The following WDFY4 variants were observed in gnomAD, a reference collection of about 807,000 sequenced individuals.
WDFY4 encodes the protein WDFY family member 4.
In WDFY4, 169 loss-of-function variants were observed where a neutral mutation model predicts 351.9. That is an observed-to-expected ratio of 0.48 (90% CI 0.42 to 0.55). WDFY4 has a LOEUF of 0.55. WDFY4 is among the 20% of genes least tolerant of loss of function. The probability of loss-of-function intolerance (pLI) is 0.00; values close to 1 mark genes in which losing one functional copy is unlikely to be tolerated. For missense variants in WDFY4, 3,803 were observed against 3,935.6 expected (o/e 0.97, Z 0.90); for synonymous variants, 1,622 against 1,574.6 (o/e 1.03, Z -0.71).
chr10:48,937,969 C>T (rs1213901001), intron 47 of WDFY4, among the ~76,000 whole-genome samples: 1 of 152,222 alleles, frequency 6.6e-6, no homozygotes, highest in Non-Finnish European at 1.5e-5. Flanking sequence ...TCACACATTC[C>T]CTACCCAGGA....
intron 7 of WDFY4, 104 bp from the exon 8 acceptor site, chr10:48,729,328 C>G: frequency 6.8e-7 from 1 of 1,474,624 alleles, no homozygotes; most frequent in Non-Finnish European, 9.1e-7. Flanking sequence ...GGGTCTTCCC[C>G]AGCTTGCAGA....
intron 39 of WDFY4, among the ~76,000 whole-genome samples, chr10:48,833,436 T>C (rs555289547): frequency 6.6e-6 from 1 of 152,138 alleles, no homozygotes; most frequent in South Asian, 2.1e-4. Flanking sequence ...TTTCAAAAGA[T>C]AATGGAGAGA....
chr10:48,738,120 A>G (rs1565146951), intron 11 of WDFY4, among the ~76,000 whole-genome samples: 1 of 152,226 alleles, frequency 6.6e-6, no homozygotes, highest in East Asian at 1.9e-4. Flanking sequence ...TATTGGGTGA[A>G]TAATTGTTCC....
chr10:48,850,172 C>T (rs1168336202), intron 39 of WDFY4, among the ~76,000 whole-genome samples: 1 of 152,182 alleles, frequency 6.6e-6, no homozygotes, highest in African/African-American at 2.4e-5. Context: ...GGTAAAGTTA[C>T]TGTTTCTGCC....
intron 57 of WDFY4, among the ~76,000 whole-genome samples, 151 bp downstream of exon 57, chr10:48,970,440 A>G (rs17011569): frequency 0.12 from 17,987 of 152,224 alleles, 1,557 homozygotes; most frequent in African/African-American, 0.25. Context: ...CTCAGAAGCT[A>G]GGAATGAGCG....
At chr10:48,689,952 G>T (rs965929069) in intron 1 of WDFY4, among the ~76,000 whole-genome samples, 3 of 152,220 alleles carry the variant, frequency 2.0e-5, no homozygotes, top group Non-Finnish European at 2.9e-5. Context: ...TGACTGAGCT[G>T]GGATTTGATC....
intron 56 of WDFY4, among the ~76,000 whole-genome samples, 185 bp from the exon 57 acceptor site, chr10:48,969,946 A>G (rs1032262386): frequency 6.6e-6 from 1 of 151,994 alleles, no homozygotes; most frequent in Admixed American, 6.5e-5. Flanking sequence ...CACCTGCTGG[A>G]GGAGGAGCTC....
intron 61 of WDFY4, 98 bp from the exon 62 acceptor site, chr10:48,982,411 G>A (rs1234798294): frequency 4.5e-6 from 5 of 1,103,164 alleles, no homozygotes; most frequent in African/African-American, 1.6e-5. Flanking sequence ...GCTCCGCTGG[G>A]CCCCAGATAG....
At chr10:48,787,807 C>CTCCTCCTCCTCT (rs796166984) in intron 20 of WDFY4, among the ~76,000 whole-genome samples, 3 of 76,682 alleles carry the variant, frequency 3.9e-5, no homozygotes, top group Admixed American at 1.4e-4. Flanking sequence ...CCTCCTCCTC[C>CTCCTCCTCCTCT]TCTTCTTCTT....
chr10:48,899,029 C>T lies in WDFY4; in HGVS notation c.7438-1192C>T, dbSNP rs143043415. On this transcript the variant is annotated intron_variant, in intron 45 of 61. Transcript: ENST00000325239. The stretch of plus-strand genomic sequence containing the variant: ...TTATTTTTTATGATTATATGTCTAC[C>T]TCACATGTTATATAGAGTAGCAGAT... 6.6e-4 allele frequency among the ~76,000 whole-genome samples: 100 copies of T among 152,190 alleles called. 1 individual carries two copies. The highest frequency in any genetic ancestry group is 2.2e-3 in the African/African-American group (93 of 41,476).
intron 53 of WDFY4, 78 bp downstream of exon 53, chr10:48,959,891 A>C (rs1316519439): frequency 7.4e-7 from 1 of 1,343,602 alleles, no homozygotes; most frequent in Admixed American, 2.2e-5. Flanking sequence ...TTTCTGTCCA[A>C]GTGGAGGGCC....
intron 12 of WDFY4, among the ~76,000 whole-genome samples, chr10:48,747,479 A>G (rs960523646): frequency 6.6e-6 from 1 of 151,966 alleles, no homozygotes; most frequent in Non-Finnish European, 1.5e-5. Flanking sequence ...ACACAATTAG[A>G]TGTATGTTTT....
intron 6 of WDFY4, 131 bp from the exon 7 acceptor site, chr10:48,727,339 C>A (rs2064303557): frequency 1.0e-6 from 1 of 978,540 alleles, no homozygotes; most frequent in Non-Finnish European, 1.5e-6. Flanking sequence ...CAAGAGCCAG[C>A]AGAACATGTT....
At chr10:48,769,908 G>A (rs541755407) in intron 13 of WDFY4, among the ~76,000 whole-genome samples, 8 of 152,298 alleles carry the variant, frequency 5.3e-5, no homozygotes, top group East Asian at 1.9e-4. Flanking sequence ...TTTGCCTTGC[G>A]GGCCCAGCCC....
intron 16 of WDFY4, among the ~76,000 whole-genome samples, 159 bp downstream of exon 16, chr10:48,777,143 C>G (rs1180887934): frequency 8.5e-5 from 13 of 152,244 alleles, no homozygotes; most frequent in Admixed American, 8.5e-4. Context: ...CAGCGGCCTC[C>G]CAGGGGCTGT....
At chr10:48,800,718 C>T (rs1447849456) in intron 24 of WDFY4, among the ~76,000 whole-genome samples, 1 of 127,856 alleles carries the variant, frequency 7.8e-6, no homozygotes, top group African/African-American at 3.3e-5. Flanking sequence ...TTCTTTCTTT[C>T]TTTCATTCTT....
intron 24 of WDFY4, 80 bp from the exon 25 acceptor site, chr10:48,803,206 G>A (rs2067142412): frequency 7.3e-6 from 10 of 1,374,766 alleles, no homozygotes; most frequent in South Asian, 1.3e-5. Flanking sequence ...CACCTGTCCA[G>A]CACTGACCTT....
At chr10:48,769,187 T>A (rs1255047643) in intron 13 of WDFY4, among the ~76,000 whole-genome samples, 1 of 152,152 alleles carries the variant, frequency 6.6e-6, no homozygotes, top group Non-Finnish European at 1.5e-5. Flanking sequence ...GCCCTTTACA[T>A]GTGGATTCTG....
rs1247013866 is a variant in WDFY4 at position 48,975,071 on chromosome 10, C to T, written c.9108+30C>T. ...GTCTCCTGTTTCTCAGTGTCCGTGT[C>T]CTCACCTTCGCAGTAGCATGGGGTA... On this transcript the variant is annotated intron_variant, in intron 58 of 61. Transcript: ENST00000325239. 26 of 1,551,558 alleles carry T rather than the reference C, an allele frequency of 1.7e-5. No individual in the cohort carries two copies. The Admixed American group carries it at 5.1e-4, about 30-fold the overall frequency.
Sources: gnomAD v4.1 joint callset for allele counts (sites outside exome capture counted in the v4.1 genomes callset) on GRCh38, gnomAD v4.1.1 for gene constraint, MANE v1.5 for transcripts, NCBI Gene and HGNC (gene_info 2026-07-23, HGNC 2026-07-21) for gene names.